Variants in SHANK2 observed in about 807,000 individuals in gnomAD.
SHANK2 encodes the protein SH3 and multiple ankyrin repeat domains 2, also known as SH3 and multiple ankyrin repeat domains protein 2.
A neutral mutation model predicts 133.7 loss-of-function variants in SHANK2; 43 were observed. The observed-to-expected ratio is 0.32, with a 90% confidence interval of 0.25 to 0.41. The LOEUF is 0.41. SHANK2 is among the 10% of genes least tolerant of loss of function. The probability of loss-of-function intolerance (pLI) is 1.00; values close to 1 mark genes in which losing one functional copy is unlikely to be tolerated. For synonymous variants in SHANK2, 1,017 were observed against 952.8 expected (o/e 1.07, Z -1.24); for missense variants, 1,994 against 2,235.8 (o/e 0.89, Z 2.18).
intron 11 of SHANK2, among the ~76,000 whole-genome samples, chr11:70,880,143 A>G (rs1949636732): frequency 6.6e-6 from 1 of 152,186 alleles, no homozygotes; most frequent in Admixed American, 6.5e-5. Flanking sequence ...TCCCGAGCTC[A>G]CCTGCTAGCC....
At chr11:70,631,406 A>ACACACACC (rs567386319) in intron 17 of SHANK2, among the ~76,000 whole-genome samples, 12 of 149,440 alleles carry the variant, frequency 8.0e-5, no homozygotes, top group East Asian at 3.9e-4. Flanking sequence ...ACACACACAC[A>ACACACACC]CACCCACACA....
chr11:71,251,533 G>A (rs868911413), intron 1 of SHANK2, among the ~76,000 whole-genome samples: 3 of 151,634 alleles, frequency 2.0e-5, no homozygotes, highest in South Asian at 2.1e-4. Context: ...CCTGGGCCGC[G>A]GGCTGGGCGG....
At chr11:71,061,961 GTCTTTCTT>G (rs1163572925) in intron 9 of SHANK2, among the ~76,000 whole-genome samples, 39 of 144,074 alleles carry the variant, frequency 2.7e-4, no homozygotes, top group African/African-American at 8.9e-4. Flanking sequence ...ACTCCAAAAA[GTCTTTCTT>G]TCTTTTTTTT....
intron 2 of SHANK2, among the ~76,000 whole-genome samples, chr11:71,192,840 A>G (rs1555115660): frequency 6.6e-6 from 1 of 152,224 alleles, no homozygotes; most frequent in Non-Finnish European, 1.5e-5. Flanking sequence ...TGACACCCAG[A>G]GAATGCAATC....
chr11:70,621,791 C>T (rs546923108), intron 17 of SHANK2, among the ~76,000 whole-genome samples: 3 of 152,188 alleles, frequency 2.0e-5, no homozygotes, highest in Non-Finnish European at 4.4e-5. Context: ...ATTGCTGTAA[C>T]TCTTCTGGAG....
At chr11:71,091,954 C>G (rs1951526160) in intron 8 of SHANK2, among the ~76,000 whole-genome samples, 1 of 152,256 alleles carries the variant, frequency 6.6e-6, no homozygotes, top group Admixed American at 6.5e-5. Flanking sequence ...TGACCTACCT[C>G]CTAACCCAAC....
chr11:70,847,785 T>A (rs1949018173), intron 11 of SHANK2, among the ~76,000 whole-genome samples: 1 of 152,118 alleles, frequency 6.6e-6, no homozygotes, highest in Admixed American at 6.5e-5. Flanking sequence ...ACCCACCCAG[T>A]CCTCATCATC....
At chr11:71,199,015 C>T (rs551192414) in intron 2 of SHANK2, among the ~76,000 whole-genome samples, 9 of 152,274 alleles carry the variant, frequency 5.9e-5, no homozygotes, top group African/African-American at 9.6e-5. Context: ...GGACACGGGG[C>T]GGAGGCGTAT....
At chr11:70,652,310 A>G (rs959098700) in intron 17 of SHANK2, among the ~76,000 whole-genome samples, 1 of 152,160 alleles carries the variant, frequency 6.6e-6, no homozygotes, top group Non-Finnish European at 1.5e-5. Context: ...ACCATGGCTC[A>G]TGTACTCTTG....
chr11:71,199,273 C>A (rs1555116695), intron 2 of SHANK2, among the ~76,000 whole-genome samples: 1 of 152,224 alleles, frequency 6.6e-6, no homozygotes, highest in African/African-American at 2.4e-5. Context: ...CCTCACAAGG[C>A]AAATCCACAG....
chr11:70,839,987 G>C (rs1555061143), intron 11 of SHANK2, among the ~76,000 whole-genome samples: 1 of 152,232 alleles, frequency 6.6e-6, no homozygotes, highest in Non-Finnish European at 1.5e-5. Context: ...GACATGGAGA[G>C]GAGGGAATGT....
At chr11:71,217,967 C>T (rs1954448366) in intron 2 of SHANK2, among the ~76,000 whole-genome samples, 2 of 152,130 alleles carry the variant, frequency 1.3e-5, no homozygotes, top group South Asian at 4.1e-4. Context: ...TATCCTGCCT[C>T]AGCCTCCTGA....
rs1171344975 is a variant in SHANK2 at position 70,686,258 on chromosome 11, A to T, written c.1853+12430T>A. Among the ~76,000 whole-genome samples, 4 of 23,914 alleles carry T rather than the reference A, an allele frequency of 1.7e-4. No individual in the cohort carries two copies. The Admixed American group carries it at 2.2e-3, about 13-fold the overall frequency. The allele number at this position is 23,914 out of a possible 152,430, so 15.7% of individuals were successfully genotyped here. On this transcript the variant is annotated intron_variant, in intron 15 of 25. Coordinates refer to ENST00000601538, the MANE Select transcript of SHANK2 (RefSeq NM_012309.5). Reference sequence around the variant, plus strand: ...CCCACCCACCCACCCACCCATCCACACACCCATCCAGCTCCCTATCTATCC... The same window carrying T: ...CCCACCCACCCACCCACCCATCCACTCACCCATCCAGCTCCCTATCTATCC...
chr11:71,125,725 G>A (rs1465036043), intron 3 of SHANK2, among the ~76,000 whole-genome samples: 1 of 152,188 alleles, frequency 6.6e-6, no homozygotes, highest in East Asian at 1.9e-4. Flanking sequence ...CTAAACAACA[G>A]ATTTTCAATG....
chr11:70,887,046 A>G (rs1949757858), intron 11 of SHANK2, among the ~76,000 whole-genome samples: 1 of 152,210 alleles, frequency 6.6e-6, no homozygotes, highest in Non-Finnish European at 1.5e-5. Context: ...GGGCAAAAGC[A>G]AAAACAACAA....
At chr11:70,647,751 A>G (rs1555008892) in intron 17 of SHANK2, among the ~76,000 whole-genome samples, 1 of 152,240 alleles carries the variant, frequency 6.6e-6, no homozygotes, top group Non-Finnish European at 1.5e-5. Flanking sequence ...AAAAGGGGAC[A>G]GGACCCCCTT....
chr11:70,497,537 C>A (rs2058988697), intron 21 of SHANK2, among the ~76,000 whole-genome samples: 1 of 152,190 alleles, frequency 6.6e-6, no homozygotes, highest in Non-Finnish European at 1.5e-5. Flanking sequence ...GCCCTCTGAG[C>A]AAACGTGTGT....
intron 11 of SHANK2, among the ~76,000 whole-genome samples, chr11:70,880,384 T>C (rs1256657911): frequency 3.3e-5 from 5 of 152,036 alleles, no homozygotes; most frequent in African/African-American, 1.2e-4. Flanking sequence ...GGGAGATGGA[T>C]GGAGGTGCGC....
At chr11:70,741,673 C>G (rs1247420602) in intron 14 of SHANK2, among the ~76,000 whole-genome samples, 1 of 152,184 alleles carries the variant, frequency 6.6e-6, no homozygotes, top group African/African-American at 2.4e-5. Flanking sequence ...CTATGCCTCA[C>G]CATAACTTAA....
Sources: allele counts gnomAD v4.1 joint callset (sites outside exome capture counted in the v4.1 genomes callset), GRCh38; gene constraint gnomAD v4.1.1; transcripts MANE v1.5; gene names NCBI Gene and HGNC (gene_info 2026-07-23, HGNC 2026-07-21).